Variants in EMSY observed in about 807,000 individuals in gnomAD.
EMSY encodes the protein BRCA2-interacting transcriptional repressor EMSY.
In EMSY, 26 loss-of-function variants were observed where a neutral mutation model predicts 134.6. The observed-to-expected ratio is 0.19, with a 90% CI of 0.14 to 0.27. The LOEUF (loss-of-function observed/expected upper bound fraction) is 0.27. EMSY is among the 10% of genes least tolerant of loss of function. The probability of loss-of-function intolerance (pLI) is 1.00; values close to 1 mark genes in which losing one functional copy is unlikely to be tolerated. For synonymous variants in EMSY, 579 were observed against 577.8 expected (o/e 1.00, Z -0.03); for missense variants, 1,305 against 1,611.4 (o/e 0.81, Z 3.26).
intron 9 of EMSY, among the ~76,000 whole-genome samples, chr11:76,502,044 GAAAAAA>G (rs57263473): frequency 1.1e-5 from 1 of 93,098 alleles, no homozygotes; most frequent in Non-Finnish European, 2.2e-5. Context: ...CATTTGAAAT[GAAAAAA>G]AAAAAAAAAA....
At chr11:76,445,912 G>C (rs1461277841) in intron 1 of EMSY, among the ~76,000 whole-genome samples, 1 of 152,068 alleles carries the variant, frequency 6.6e-6, no homozygotes, top group African/African-American at 2.4e-5. Flanking sequence ...GGTTTGTTCT[G>C]AGCTGAGAGG....
At chr11:76,471,251 TTA>T (rs1311858132) in intron 7 of EMSY, among the ~76,000 whole-genome samples, 1 of 152,134 alleles carries the variant, frequency 6.6e-6, no homozygotes, top group African/African-American at 2.4e-5. Flanking sequence ...AGTTTTAGAT[TTA>T]CAGAAAAATT....
At chr11:76,508,178 T>A (rs1338286930) in intron 9 of EMSY, among the ~76,000 whole-genome samples, 1 of 152,186 alleles carries the variant, frequency 6.6e-6, no homozygotes, top group Admixed American at 6.5e-5. Context: ...GCCTAAAATT[T>A]ATTTCTTAAT....
intron 8 of EMSY, among the ~76,000 whole-genome samples, chr11:76,491,177 C>CTTTTTTTTTT (rs61688457): frequency 3.1e-5 from 4 of 129,914 alleles, no homozygotes; most frequent in Non-Finnish European, 4.8e-5. Context: ...CTTCTTTTTT[C>CTTTTTTTTTT]TTTTTTTTTT....
At chr11:76,487,484 G>A (rs1949235184) in intron 8 of EMSY, among the ~76,000 whole-genome samples, 1 of 152,114 alleles carries the variant, frequency 6.6e-6, no homozygotes, top group Non-Finnish European at 1.5e-5. Context: ...ATTTTTTAAC[G>A]GTATCAGTAG....
At chr11:76,488,358 C>A (rs1421248764) in intron 8 of EMSY, among the ~76,000 whole-genome samples, 2 of 152,056 alleles carry the variant, frequency 1.3e-5, no homozygotes, top group Admixed American at 6.6e-5. Context: ...CGTAGCTACT[C>A]GGGAAGCCTG....
rs577940007 is a variant in EMSY, at chr11:76,505,844, G to A, written c.1364-7542G>A. On this transcript the variant is annotated intron_variant, in intron 9 of 20. Coordinates refer to ENST00000334736, the Ensembl canonical transcript of EMSY. ...TGCACTCCAGCCTGGGCAACAGAGC[G>A]AGACTCTGTCTCAAAAAAAAAAGAA... is the stretch of plus-strand genomic sequence containing the variant. Among the ~76,000 whole-genome samples the A allele has an allele frequency of 8.9e-4, 135 of 151,350 alleles. 1 individual carries two copies. The highest frequency in any genetic ancestry group is 4.6e-3 in the South Asian group (22 of 4,776).
At chr11:76,446,372 G>A (rs1440637806) in intron 1 of EMSY, among the ~76,000 whole-genome samples, 1 of 81,746 alleles carries the variant, frequency 1.2e-5, no homozygotes, top group East Asian at 2.2e-4. Context: ...TGTATGTATC[G>A]TTCCAATTTT....
chr11:76,537,896 A>T (rs963340856), exon 16 of EMSY: 24 of 1,613,690 alleles, frequency 1.5e-5, no homozygotes, highest in Non-Finnish European at 2.0e-5. Context: ...TTCTCCTGAG[A>T]GTCCATCAAT....
chr11:76,502,025 T>C (rs1949878935), intron 9 of EMSY, among the ~76,000 whole-genome samples: 1 of 141,402 alleles, frequency 7.1e-6, no homozygotes, highest in Non-Finnish European at 1.5e-5. Flanking sequence ...AGCAGGCAGT[T>C]GGATAACACA....
intron 7 of EMSY, among the ~76,000 whole-genome samples, chr11:76,472,190 G>A (rs373145646): frequency 1.4e-4 from 21 of 152,184 alleles, no homozygotes; most frequent in African/African-American, 3.1e-4. Flanking sequence ...ATTCTCCAGC[G>A]TCTAGAACCA....
At chr11:76,500,466 T>G (rs572375014) in intron 9 of EMSY, among the ~76,000 whole-genome samples, 1 of 152,318 alleles carries the variant, frequency 6.6e-6, no homozygotes, top group Non-Finnish European at 1.5e-5. Flanking sequence ...ACATATAGTC[T>G]AGACTGCAGA....
chr11:76,465,498 TTTTC>T (rs747295767), intron 7 of EMSY, among the ~76,000 whole-genome samples: 1 of 152,106 alleles, frequency 6.6e-6, no homozygotes, highest in African/African-American at 2.4e-5. Flanking sequence ...AGTATTTTTA[TTTTC>T]TTTATCATTT....
rs139270987 is a variant in EMSY, at chr11:76,496,753, A to G, written c.1363+284A>G. On this transcript the variant is annotated intron_variant, in intron 9 of 20. Coordinates refer to ENST00000334736, the Ensembl canonical transcript of EMSY. Reference sequence around the variant, plus strand: ...AATAGTATTGATCTTGTATCCTTTGACCTTGCTGAACTCACTTGTTCTCAG... The same window carrying G: ...AATAGTATTGATCTTGTATCCTTTGGCCTTGCTGAACTCACTTGTTCTCAG... 6.8e-4 allele frequency: 282 copies of G among 415,134 alleles called. 2 individuals are homozygous for G. The highest frequency in any genetic ancestry group is 1.0e-3 in the Non-Finnish European group (226 of 223,356). 25.7% of individuals were successfully genotyped at this position (415,134 alleles called of 1,614,324 possible).
exon 19 of EMSY, chr11:76,544,392 C>T: frequency 6.2e-7 from 1 of 1,614,136 alleles, no homozygotes; most frequent in Non-Finnish European, 8.5e-7. Context: ...CAGTCACAGT[C>T]AGCTAAACAG....
At chr11:76,520,394 T>C (rs1950600168) in intron 11 of EMSY, among the ~76,000 whole-genome samples, 1 of 152,134 alleles carries the variant, frequency 6.6e-6, no homozygotes, top group Non-Finnish European at 1.5e-5. Flanking sequence ...TCCTTGTACT[T>C]TGGTATAAAG....
At chr11:76,490,154 A>T (rs1949361710) in intron 8 of EMSY, among the ~76,000 whole-genome samples, 1 of 150,808 alleles carries the variant, frequency 6.6e-6, no homozygotes, top group Non-Finnish European at 1.5e-5. Flanking sequence ...TCTCTTTTCC[A>T]GTCTTCTTTT....
chr11:76,480,750 G>GT (rs1174204430), intron 8 of EMSY, among the ~76,000 whole-genome samples: 4 of 152,210 alleles, frequency 2.6e-5, no homozygotes, highest in Admixed American at 2.6e-4. Context: ...TAGACAGTGG[G>GT]TGTAGCCCAT....
chr11:76,546,069 T>C, exon 20 of EMSY: 2 of 1,614,184 alleles, frequency 1.2e-6, no homozygotes, highest in Non-Finnish European at 1.7e-6. Flanking sequence ...TGCTCACTGG[T>C]GAAGCAGGAT....
Sources: gnomAD v4.1 joint callset for allele counts (sites outside exome capture counted in the v4.1 genomes callset) on GRCh38, gnomAD v4.1.1 for gene constraint, MANE v1.5 for transcripts, NCBI Gene and HGNC (gene_info 2026-07-23, HGNC 2026-07-21) for gene names.